JAZF1: variants seen among roughly 807,000 people sequenced by gnomAD.
JAZF1 encodes the protein juxtaposed with another zinc finger protein 1.
Under a neutral mutation model 26.4 loss-of-function variants are expected in JAZF1, and 8 were observed. The observed-to-expected ratio is 0.30, with a 90% CI of 0.18 to 0.55. The LOEUF (loss-of-function observed/expected upper bound fraction) is 0.55, where lower values mean the gene tolerates loss of function less well. Among genes scored for constraint, JAZF1 ranks in the 20% least tolerant of loss-of-function variants. JAZF1 has a pLI of 0.94. For synonymous variants in JAZF1, 126 were observed against 122.3 expected, an observed-to-expected ratio of 1.03 and a Z score of -0.20; for missense variants, 199 against 322.0, an observed-to-expected ratio of 0.62 and a Z score of 2.92.
At chr7:27,944,236 A>G (rs1004539266) in intron 2 of JAZF1, among the ~76,000 whole-genome samples, 3 of 152,202 alleles carry the variant, frequency 2.0e-5, no homozygotes, top group African/African-American at 7.2e-5. Context: ...GTGCTGTTAG[A>G]TGCATATCTG....
chr7:27,973,639 T>C (rs1248275210), intron 2 of JAZF1, among the ~76,000 whole-genome samples: 1 of 152,220 alleles, frequency 6.6e-6, no homozygotes, highest in Non-Finnish European at 1.5e-5. Flanking sequence ...ATCAAATATT[T>C]AAACAATTTA....
At chr7:27,998,025 A>AGAAG (rs199643152) in intron 1 of JAZF1, among the ~76,000 whole-genome samples, 20,303 of 110,604 alleles carry the variant, frequency 0.18, 2,812 homozygotes, top group East Asian at 0.29. Context: ...AATGGGGGGA[A>AGAAG]GAAGGAAGGA....
chr7:27,887,804 C>A (rs1783895444), intron 3 of JAZF1, among the ~76,000 whole-genome samples: 1 of 152,102 alleles, frequency 6.6e-6, no homozygotes, highest in African/African-American at 2.4e-5. Context: ...CAAATAAAAT[C>A]CTATTTCCTT....
Position 27,983,601 on chromosome 7 carries a change from G to A in JAZF1, c.188+8308C>T, listed in dbSNP as rs535649660. Among the ~76,000 whole-genome samples the A allele has an allele frequency of 1.4e-4, 22 of 152,190 alleles. No individual in the cohort carries two copies. In the East Asian group the frequency reaches 3.5e-3, roughly 24 times the overall value. ...TTCAAATTCAGGAAATACAGAGAAC[G>A]CCACAAAGATACTCCTCGAGAAAAG... On this transcript the variant is annotated intron_variant, in intron 2 of 4. Coordinates refer to ENST00000283928, the MANE Select transcript of JAZF1 (RefSeq NM_175061.4).
intron 1 of JAZF1, among the ~76,000 whole-genome samples, chr7:28,104,987 G>T (rs1261053829): frequency 1.3e-5 from 2 of 152,108 alleles, no homozygotes; most frequent in Non-Finnish European, 2.9e-5. Flanking sequence ...GGATTTCTGT[G>T]TGACCTCTCA....
rs1417219042 is a variant in JAZF1, at chr7:28,000,621, TC to T, written c.116-8641del. 6.2e-3 allele frequency among the ~76,000 whole-genome samples: 651 copies of T among 105,490 alleles called. 6 individuals carry two copies. Among genetic ancestry groups the T allele is most frequent in the African/African-American group, 0.022 (566 of 25,964 alleles). The allele number at this position is 105,490 out of a possible 152,430, so 69.2% of individuals were successfully genotyped here. On this transcript the variant is annotated intron_variant, in intron 1 of 4. Transcript: ENST00000283928. ...CTTTTTCTTTCTTTCTTTCTTTCTT[TC>T]TTTTTTTTTTTTTTTTTTGAGACAA...
chr7:27,846,383 G>A (rs867263245), intron 3 of JAZF1: 3 of 250,564 alleles, frequency 1.2e-5, no homozygotes, highest in South Asian at 5.5e-5. Context: ...GTACATGTAC[G>A]TATATATACA....
chr7:28,126,021 G>A (rs557527360), intron 1 of JAZF1, among the ~76,000 whole-genome samples: 6 of 152,174 alleles, frequency 3.9e-5, no homozygotes, highest in African/African-American at 1.4e-4. Context: ...CTACAAGACT[G>A]CCAAATAAGG....
At chr7:27,898,625 A>G (rs1023176086) in intron 2 of JAZF1, among the ~76,000 whole-genome samples, 12 of 152,104 alleles carry the variant, frequency 7.9e-5, no homozygotes, top group African/African-American at 2.2e-4. Context: ...CAGCTCAGAT[A>G]TAACACAACA....
chr7:28,128,327 G>C (rs1361665275), intron 1 of JAZF1, among the ~76,000 whole-genome samples: 1 of 152,100 alleles, frequency 6.6e-6, no homozygotes, highest in African/African-American at 2.4e-5. Flanking sequence ...TTTGAGACCA[G>C]CCTGGCCAAT....
intron 1 of JAZF1, among the ~76,000 whole-genome samples, chr7:28,176,275 A>G (rs192676941): frequency 1.3e-5 from 2 of 152,342 alleles, no homozygotes; most frequent in Non-Finnish European, 2.9e-5. Context: ...GAAAGTTCTA[A>G]ATGACCTGCT....
intron 3 of JAZF1, among the ~76,000 whole-genome samples, chr7:27,882,073 C>A (rs1442565189): frequency 6.6e-6 from 1 of 152,196 alleles, no homozygotes; most frequent in African/African-American, 2.4e-5. Context: ...CCGACTAATT[C>A]ATTCAAAATT....
In JAZF1 at chr7:27,836,579, A is replaced by G. The variant is rs1447125642; in HGVS notation, c.556-3603T>C. 2.0e-5 allele frequency among the ~76,000 whole-genome samples: 3 copies of G among 152,202 alleles called. No homozygotes were observed. The East Asian group carries it at 5.8e-4, about 29-fold the overall frequency. ...TTCCCAGGGCCTGGATGTTGTACAC[A>G]GCGGAGAAGATGAAGTTGCTTGGGG... is the stretch of plus-strand genomic sequence containing the variant. On this transcript the variant is annotated intron_variant, in intron 4 of 4. Transcript: ENST00000283928.
At chr7:28,065,459 G>C (rs1226485769) in intron 1 of JAZF1, among the ~76,000 whole-genome samples, 1 of 152,052 alleles carries the variant, frequency 6.6e-6, no homozygotes, top group African/African-American at 2.4e-5. Context: ...GTGAGGTGAG[G>C]GAATGGAAGA....
chr7:27,895,455 A>G, intron 2 of JAZF1, 39 bp from the exon 3 acceptor site: 1 of 1,470,246 alleles, frequency 6.8e-7, no homozygotes, highest in African/African-American at 1.4e-5. Flanking sequence ...TGGGCCATGT[A>G]TAGAGCATGA....
At chr7:28,071,236 G>A (rs1257452657) in intron 1 of JAZF1, among the ~76,000 whole-genome samples, 5 of 152,180 alleles carry the variant, frequency 3.3e-5, no homozygotes, top group South Asian at 4.1e-4. Flanking sequence ...AAAAGAGACT[G>A]TTCTAAGTCA....
At chr7:28,053,968 T>C (rs1783657160) in intron 1 of JAZF1, among the ~76,000 whole-genome samples, 1 of 152,246 alleles carries the variant, frequency 6.6e-6, no homozygotes, top group South Asian at 2.1e-4. Context: ...TTAGTCTTTA[T>C]GCTCCTTCCA....
intron 1 of JAZF1, among the ~76,000 whole-genome samples, chr7:28,038,876 T>G (rs1480833807): frequency 2.0e-5 from 3 of 152,220 alleles, no homozygotes; most frequent in African/African-American, 7.2e-5. Flanking sequence ...GTATAAAGTA[T>G]TGTACAAAAA....
chr7:28,077,433 T>C (rs1403779145), intron 1 of JAZF1, among the ~76,000 whole-genome samples: 1 of 152,168 alleles, frequency 6.6e-6, no homozygotes, highest in Non-Finnish European at 1.5e-5. Context: ...GTATTGATTA[T>C]ACCGACTCTG....
Sources: gnomAD v4.1 joint callset for allele counts (sites outside exome capture counted in the v4.1 genomes callset) on GRCh38, gnomAD v4.1.1 for gene constraint, MANE v1.5 for transcripts, NCBI Gene and HGNC (gene_info 2026-07-23, HGNC 2026-07-21) for gene names.